Variants in MTM1 observed in about 807,000 individuals in gnomAD.
MTM1 encodes the protein myotubularin.
MTM1 carries 9 observed loss-of-function variants against 52.1 expected under a neutral mutation model. The ratio of observed to expected loss-of-function variants is 0.17; its 90% confidence interval spans 0.10 to 0.30. MTM1 has a LOEUF of 0.30. MTM1 is among the 10% of genes least tolerant of loss of function. The probability of loss-of-function intolerance (pLI) is 1.00; values close to 1 mark genes in which losing one functional copy is unlikely to be tolerated. For missense variants in MTM1, 277 were observed against 470.7 expected (o/e 0.59, Z 3.81); for synonymous variants, 136 against 163.8 (o/e 0.83, Z 1.29).
intron 13 of MTM1, 41 bp downstream of exon 13, chrX:150,660,525 CA>C: frequency 1.2e-6 from 1 of 820,874 alleles, no homozygotes; most frequent in Non-Finnish European, 1.8e-6. Context: ...TTAGGCTTGC[CA>C]AAATGTATGT....
intron 1 of MTM1, among the ~76,000 whole-genome samples, chrX:150,587,227 T>G (rs183941426): frequency 1.8e-5 from 2 of 111,715 alleles, no homozygotes; most frequent in East Asian, 5.6e-4. Context: ...GTTTTTTAGT[T>G]TAAGAGAATA....
intron 10 of MTM1, among the ~76,000 whole-genome samples, chrX:150,656,816 A>G (rs1300915110): frequency 3.6e-5 from 4 of 112,268 alleles, no homozygotes; most frequent in African/African-American, 6.5e-5. Context: ...GGCGAAGGAT[A>G]TGAAGAGACA....
At chrX:150,599,843 G>T (rs1328156435) in intron 4 of MTM1, among the ~76,000 whole-genome samples, 1 of 112,028 alleles carries the variant, frequency 8.9e-6, no homozygotes, top group Admixed American at 9.5e-5. Flanking sequence ...GAATGTTCTA[G>T]ATTTCCAGAA....
intron 4 of MTM1, among the ~76,000 whole-genome samples, chrX:150,603,354 A>G (rs2039098514): frequency 8.9e-6 from 1 of 111,948 alleles, no homozygotes; most frequent in African/African-American, 3.3e-5. Context: ...TACACAGACA[A>G]TGACATATCC....
intron 13 of MTM1, among the ~76,000 whole-genome samples, chrX:150,662,038 A>G (rs185644917): frequency 1.9e-3 from 212 of 112,159 alleles, no homozygotes; most frequent in Non-Finnish European, 3.1e-3. Context: ...TACCTTAAAT[A>G]TATACAGTTT....
intron 10 of MTM1, among the ~76,000 whole-genome samples, chrX:150,652,541 T>C (rs1226452177): frequency 9.9e-6 from 1 of 100,850 alleles, no homozygotes; most frequent in Non-Finnish European, 2.0e-5. Context: ...CCCATCTCTT[T>C]AAAAAAAAAG....
intron 1 of MTM1, among the ~76,000 whole-genome samples, chrX:150,581,574 C>G (rs1187867344): frequency 9.0e-6 from 1 of 111,599 alleles, no homozygotes; most frequent in Non-Finnish European, 1.9e-5. Context: ...AAAGTGAAGT[C>G]TAGGGTTCTT....
chrX:150,644,183 AAAT>A lies in MTM1; in HGVS notation c.679-1494_679-1492del, dbSNP rs2039892885. On this transcript the variant is annotated intron_variant, in intron 8 of 14. Coordinates refer to ENST00000370396, the MANE Select transcript of MTM1 (RefSeq NM_000252.3). ...TTAAAAAATATTTTAATAATTTCTC[AAAT>A]AATAAATCTTTTAAATGTGTAGCAA... 8.9e-5 allele frequency among the ~76,000 whole-genome samples: 10 copies of A among 111,866 alleles called. No homozygotes were observed. In the South Asian group the frequency reaches 3.3e-3, roughly 37 times the overall value.
chrX:150,632,319 G>A (rs1335440347), intron 6 of MTM1, among the ~76,000 whole-genome samples: 2 of 111,862 alleles, frequency 1.8e-5, no homozygotes, highest in African/African-American at 6.5e-5. Flanking sequence ...AGGCCGCACA[G>A]ATGCAGGCTG....
intron 14 of MTM1, among the ~76,000 whole-genome samples, chrX:150,664,203 AT>A (rs1557414840): frequency 8.9e-6 from 1 of 112,679 alleles, no homozygotes; most frequent in Admixed American, 9.4e-5. Flanking sequence ...TCCATCCATA[AT>A]CAGAAGGAAA....
At chrX:150,664,536 C>T (rs904889215) in intron 14 of MTM1, among the ~76,000 whole-genome samples, 6 of 112,799 alleles carry the variant, frequency 5.3e-5, no homozygotes, top group Non-Finnish European at 1.1e-4. Context: ...GTGCTACTCA[C>T]GTGAAAGGCT....
intron 1 of MTM1, chrX:150,590,954 A>G (rs1557412457): frequency 1.7e-6 from 1 of 574,554 alleles, no homozygotes; most frequent in Non-Finnish European, 2.1e-6. Context: ...ATTTCAGAGC[A>G]GATACATCTG....
At position 150,671,801 on chromosome X, in the gene MTM1, G is replaced by C. The variant is rs1463645828; in HGVS notation, c.*206G>C. On this transcript the variant is annotated 3_prime_UTR_variant, in exon 15 of 15. Coordinates refer to ENST00000370396, the MANE Select transcript of MTM1 (RefSeq NM_000252.3). ...ACGGCAATCAGAAGAAAGGAGCTGA[G>C]ATGAGGTTTTGGAAAACCCTGACAC... 5 of 467,497 alleles carry C rather than the reference G, an allele frequency of 1.1e-5. No individual in the cohort carries two copies. In the African/African-American group the frequency reaches 1.2e-4, roughly 12 times the overall value. 38.5% of individuals were successfully genotyped at this position (467,497 alleles called of 1,213,427 possible).
chrX:150,574,633 T>G (rs1345144475), intron 1 of MTM1, among the ~76,000 whole-genome samples: 2 of 112,067 alleles, frequency 1.8e-5, no homozygotes, highest in Non-Finnish European at 3.8e-5. Flanking sequence ...TAATGACACG[T>G]TTTTCCTTTT....
At chrX:150,637,101 C>T (rs782527885) in intron 6 of MTM1, among the ~76,000 whole-genome samples, 2 of 111,975 alleles carry the variant, frequency 1.8e-5, no homozygotes, top group Non-Finnish European at 3.8e-5. Context: ...TTGGGCCTAG[C>T]GCTGCCAGAG....
chrX:150,663,401 G>A (rs782296027), intron 13 of MTM1, 32 bp from the exon 14 acceptor site: 5 of 1,205,460 alleles, frequency 4.1e-6, no homozygotes, highest in Non-Finnish European at 5.6e-6. Flanking sequence ...TTTTACTTAG[G>A]CTCTCCACTT....
In MTM1 at chrX:150,671,410, GTC is replaced by G. The variant is rs1557415133; in HGVS notation, c.1645-14_1645-13del. 5 of 1,211,224 alleles carry G rather than the reference GTC, an allele frequency of 4.1e-6. No homozygotes were observed. Among genetic ancestry groups the G allele is most frequent in the Admixed American group, 2.2e-5 (1 of 46,006 alleles). On this transcript the variant is annotated splice_polypyrimidine_tract_variant and intron_variant, in intron 14 of 14. Coordinates refer to ENST00000370396, the MANE Select transcript of MTM1 (RefSeq NM_000252.3). ...GTGCGTGGCATAAAGTGTAACTCAA[GTC>G]TCTGGTTCTCTCCAGCAGCCGAATC...
intron 6 of MTM1, among the ~76,000 whole-genome samples, chrX:150,622,825 G>A: frequency 9.0e-6 from 1 of 111,416 alleles, no homozygotes; most frequent in South Asian, 3.8e-4. Flanking sequence ...GAAAGGGGAA[G>A]GGGGAGGAAC....
intron 14 of MTM1, among the ~76,000 whole-genome samples, chrX:150,664,075 C>CA (rs1557414834): frequency 8.9e-6 from 1 of 111,853 alleles, no homozygotes; most frequent in African/African-American, 3.3e-5. Context: ...ATTACTCTGT[C>CA]AATGGTAGTA....
Sources: allele counts gnomAD v4.1 joint callset (sites outside exome capture counted in the v4.1 genomes callset), GRCh38; gene constraint gnomAD v4.1.1; transcripts MANE v1.5; gene names NCBI Gene and HGNC (gene_info 2026-07-23, HGNC 2026-07-21).